ATP2B2: variants seen among roughly 807,000 people sequenced by gnomAD.
ATP2B2 encodes ATPase plasma membrane Ca2+ transporting 2.
In ATP2B2, 15 loss-of-function variants were observed where a neutral mutation model predicts 120.0. The observed-to-expected ratio is 0.12, with a 90% CI of 0.08 to 0.19. The LOEUF (loss-of-function observed/expected upper bound fraction) is 0.19, where lower values mean the gene tolerates loss of function less well. ATP2B2 is among the 10% of genes least tolerant of loss of function. The pLI is 1.00. For synonymous variants in ATP2B2, 694 were observed against 700.3 expected, an observed-to-expected ratio of 0.99 and a Z score of 0.14; for missense variants, 1,045 against 1,719.8, an observed-to-expected ratio of 0.61 and a Z score of 6.94.
At chr3:10,388,186 T>C in intron 6 of ATP2B2, 91 bp downstream of exon 6, 1 of 1,593,214 alleles carries the variant, frequency 6.3e-7, no homozygotes, top group East Asian at 2.2e-5. Flanking sequence ...TAGAAGGCAC[T>C]CAATAACTAT....
At chr3:10,536,415 GCTTCT>G (rs1017888874) in intron 2 of ATP2B2, among the ~76,000 whole-genome samples, 1 of 141,624 alleles carries the variant, frequency 7.1e-6, no homozygotes, top group African/African-American at 2.7e-5. Context: ...TTCTTCTTCT[GCTTCT>G]CTTCTTCTTC....
chr3:10,360,826 G>A (rs1391198679), intron 12 of ATP2B2, among the ~76,000 whole-genome samples: 1 of 152,166 alleles, frequency 6.6e-6, no homozygotes, highest in African/African-American at 2.4e-5. Context: ...CCACATGTGA[G>A]TTAATGTGGC....
chr3:10,404,800 C>T (rs2062354614), intron 3 of ATP2B2, among the ~76,000 whole-genome samples: 1 of 152,142 alleles, frequency 6.6e-6, no homozygotes, highest in African/African-American at 2.4e-5. Context: ...AACAGAAACC[C>T]AGTATATGGA....
At chr3:10,451,966 G>T (rs567820174) in intron 1 of ATP2B2, among the ~76,000 whole-genome samples, 1 of 152,316 alleles carries the variant, frequency 6.6e-6, no homozygotes, top group East Asian at 1.9e-4. Context: ...AATTCTATAA[G>T]GGTTGACCAG....
chr3:10,472,640 G>A (rs112824779), intron 1 of ATP2B2, among the ~76,000 whole-genome samples: 1 of 152,104 alleles, frequency 6.6e-6, no homozygotes. Flanking sequence ...GTCACTTCTG[G>A]GAGGCCTCCC....
At chr3:10,392,909 G>T (rs955099003) in intron 5 of ATP2B2, among the ~76,000 whole-genome samples, 4 of 152,258 alleles carry the variant, frequency 2.6e-5, no homozygotes, top group African/African-American at 9.6e-5. Flanking sequence ...CATGTCCTGG[G>T]TAGGGTGGAC....
intron 1 of ATP2B2, among the ~76,000 whole-genome samples, chr3:10,677,083 A>G (rs1330746234): frequency 6.6e-6 from 1 of 152,230 alleles, no homozygotes; most frequent in Non-Finnish European, 1.5e-5. Flanking sequence ...GCAGTTGAGA[A>G]CTTATGTCCA....
intron 2 of ATP2B2, among the ~76,000 whole-genome samples, chr3:10,567,573 G>T (rs1234816448): frequency 1.3e-5 from 2 of 152,192 alleles, no homozygotes; most frequent in Non-Finnish European, 2.9e-5. Context: ...GAAAAATAGA[G>T]ATGATGACAG....
chr3:10,475,431 A>G (rs534864671), intron 1 of ATP2B2, among the ~76,000 whole-genome samples: 1 of 152,226 alleles, frequency 6.6e-6, no homozygotes, highest in East Asian at 1.9e-4. Context: ...GTAAGGGGAG[A>G]GGGACAACTG....
intron 1 of ATP2B2, among the ~76,000 whole-genome samples, chr3:10,688,438 A>C (rs993529652): frequency 3.9e-5 from 6 of 152,202 alleles, no homozygotes; most frequent in African/African-American, 1.4e-4. Flanking sequence ...GGCTTGTCTT[A>C]CTTCATTCAA....
intron 1 of ATP2B2, among the ~76,000 whole-genome samples, chr3:10,672,667 C>T (rs920858032): frequency 2.6e-5 from 4 of 152,188 alleles, no homozygotes; most frequent in African/African-American, 9.7e-5. Context: ...AGTAATCCAA[C>T]CAGGGTGTGC....
intron 1 of ATP2B2, among the ~76,000 whole-genome samples, chr3:10,477,222 G>A (rs1349981996): frequency 6.6e-6 from 1 of 152,108 alleles, no homozygotes; most frequent in African/African-American, 2.4e-5. Context: ...TCTTAAGATT[G>A]GTGCTTTTGT....
At position 10,563,271 on chromosome 3, in the gene ATP2B2, CT is replaced by C. The variant is rs1440116517; in HGVS notation, c.-414-29139del. ...ACTGAAGCCCAGAGGGGTTAAGTGA[CT>C]TTTGCATGGTCACACTGCTGAGCAG... On this transcript the variant is annotated intron_variant, in intron 2 of 21. Coordinates refer to the ATP2B2 transcript ENST00000646379. Among the ~76,000 whole-genome samples, 9 of 152,224 alleles carry C rather than the reference CT, an allele frequency of 5.9e-5. No individual in the cohort carries two copies. In the East Asian group the frequency reaches 1.7e-3, roughly 29 times the overall value.
chr3:10,438,713 G>A lies in ATP2B2; in HGVS notation c.199+10632C>T, dbSNP rs548818943. Among the ~76,000 whole-genome samples the A allele has an allele frequency of 3.9e-5, 6 of 152,344 alleles. No individual in the cohort carries two copies. In the South Asian group the frequency reaches 6.2e-4, roughly 16 times the overall value. On this transcript the variant is annotated intron_variant, in intron 2 of 22. Coordinates refer to ENST00000360273, the MANE Select transcript of ATP2B2 (RefSeq NM_001001331.4). ...CTTACCCGCCCTGTCTGGGCCTCTC[G>A]GATGACAGGCAGGCCTGGAGGCAGA...
At chr3:10,549,223 G>C (rs2067614696) in intron 2 of ATP2B2, among the ~76,000 whole-genome samples, 1 of 152,168 alleles carries the variant, frequency 6.6e-6, no homozygotes, top group Admixed American at 6.5e-5. Flanking sequence ...CACTAGGTAA[G>C]GTCAGATGCC....
chr3:10,340,141 T>C lies in ATP2B2; in HGVS notation c.3237+101A>G. 1.8e-6 allele frequency: 2 copies of C among 1,132,156 alleles called. No individual in the cohort carries two copies. The highest frequency in any genetic ancestry group is 2.6e-6 in the Non-Finnish European group (2 of 762,336). The allele number at this position is 1,132,156 out of a possible 1,614,324, so 70.1% of individuals were successfully genotyped here. On this transcript the variant is annotated intron_variant, in intron 21 of 22. Coordinates refer to ENST00000360273, the MANE Select transcript of ATP2B2 (RefSeq NM_001001331.4). The surrounding 1 kb of genome is among the most constrained non-coding windows in gnomAD (Gnocchi z 5.0). ...GTCCAGAGATAGGGAGGAGCTTGCC[T>C]GGGGTCTGGCAGCCCATTCCTGGGG...
chr3:10,350,052 G>C (rs1467580925), intron 16 of ATP2B2, 60 bp downstream of exon 16: 19 of 1,542,758 alleles, frequency 1.2e-5, no homozygotes, highest in Non-Finnish European at 1.6e-5. Flanking sequence ...CAGGAGAGGA[G>C]GGCCCAGCTT....
In ATP2B2 at chr3:10,402,242, C is replaced by T. The variant is rs1049050465; in HGVS notation, c.504G>A (p.Thr168=). 46 of 1,614,078 alleles carry T rather than the reference C, an allele frequency of 2.8e-5. No individual in the cohort carries two copies. Among genetic ancestry groups the T allele is most frequent in the Middle Eastern group, 1.6e-4 (1 of 6,084 alleles). ...TCTCTTTGCTCCAGTCATTGAAGGC[C>T]GTGACCAGGACCACACAGATAACTG... ...LLSVICVVLV[T]AFNDWSKEKQ... The change falls in exon 4 of 23, where the codon ACG becomes ACA. Residue 168 remains threonine, a synonymous_variant. Transcript: ENST00000360273. This position sits in a 1 kb window ranked among gnomAD's most constrained non-coding sequence, Gnocchi z 4.9.
At chr3:10,416,508 A>T (rs1179027579) in intron 2 of ATP2B2, among the ~76,000 whole-genome samples, 1 of 152,222 alleles carries the variant, frequency 6.6e-6, no homozygotes, top group Non-Finnish European at 1.5e-5. Flanking sequence ...GTCAATTCCC[A>T]TATAGAAATC....
Sources: gnomAD v4.1 joint callset for allele counts (sites outside exome capture counted in the v4.1 genomes callset) on GRCh38, gnomAD v4.1.1 for gene constraint, Gnocchi (gnomAD v3.1) non-coding constraint, MANE v1.5 for transcripts, NCBI Gene and HGNC (gene_info 2026-07-23, HGNC 2026-07-21) for gene names.